The following TRPM4 variants were observed in gnomAD, a reference collection of about 807,000 sequenced individuals.
TRPM4 encodes transient receptor potential cation channel subfamily M member 4.
TRPM4 carries 124 observed loss-of-function variants against 135.6 expected under a neutral mutation model. The observed-to-expected ratio is 0.91, with a 90% CI of 0.79 to 1.06. The LOEUF (loss-of-function observed/expected upper bound fraction) is 1.06, where lower values mean the gene tolerates loss of function less well. TRPM4 is among the 50% of genes least tolerant of loss of function. TRPM4 has a pLI of 0.00. For missense variants in TRPM4, 1,658 were observed against 1,671.4 expected (o/e 0.99, Z 0.14); for synonymous variants, 745 against 705.6 (o/e 1.06, Z -0.88).
chr19:49,211,361 G>C lies in TRPM4; in HGVS notation c.3640+92G>C. 6.3e-7 allele frequency: 1 copy of C among 1,575,514 alleles called. No homozygotes were observed. Among genetic ancestry groups the C allele is most frequent in the Non-Finnish European group, 8.7e-7 (1 of 1,150,742 alleles). Reference sequence around the variant, plus strand: ...CTCGGCACCTTTCCAGTGTCCCTGGGTCACTCTCTTGGTCTCCTTTGAGCC... The same window carrying C: ...CTCGGCACCTTTCCAGTGTCCCTGGCTCACTCTCTTGGTCTCCTTTGAGCC... On this transcript the variant is annotated intron_variant, in intron 24 of 24. Coordinates refer to ENST00000252826, the MANE Select transcript of TRPM4 (RefSeq NM_017636.4). This position sits in a 1 kb window ranked among gnomAD's most constrained non-coding sequence, Gnocchi z 4.8.
At chr19:49,157,963 G>A in intron 1 of TRPM4, 73 bp downstream of exon 1, 1 of 1,485,486 alleles carries the variant, frequency 6.7e-7, no homozygotes, top group East Asian at 2.5e-5. Flanking sequence ...AGAGGAGGGC[G>A]CTGGACACCC....
Position 49,182,635 on chromosome 19 carries a change from G to A in TRPM4, c.1321G>A (p.Val441Met), listed in dbSNP as rs587782982. ...DALLNDRPEFVRLLISHGLSL... is the reference protein window; with the variant it reads ...DALLNDRPEFMRLLISHGLSL... ...CCTGCTGAATGACCGGCCTGAGTTC[G>A]TGCGCTTGCTCATTTCCCACGGCCT... is the stretch of plus-strand genomic sequence containing the variant. The change falls in exon 11 of 25, where the codon GTG (valine) becomes ATG (methionine). Residue 441 changes from valine (V) to methionine (M), a missense_variant. By Grantham distance (21) the Val-to-Met change is conservative. Transcript: ENST00000252826. The A allele has an allele frequency of 4.1e-5, 66 of 1,614,000 alleles. No homozygotes were observed. The highest frequency in any genetic ancestry group is 5.3e-5 in the Non-Finnish European group (62 of 1,180,042).
rs370370315 is a variant in TRPM4, at chr19:49,211,199, C to T, written c.3570C>T (p.Ala1190=). Residue 1190 remains alanine, a synonymous_variant, in exon 24 of 25, where the codon GCC becomes GCT. Transcript: ENST00000252826. The surrounding 1 kb of genome is among the most constrained non-coding windows in gnomAD (Gnocchi z 4.8). ...QQCSRVLGWV[A]EALSRSALLP... ...GTAGCCGCGTCCTGGGGTGGGTGGC[C>T]GAGGCCCTGAGCCGCTCTGCCTTGC... The T allele has an allele frequency of 5.0e-6, 8 of 1,602,160 alleles. No individual in the cohort carries two copies. Among genetic ancestry groups the T allele is most frequent in the Admixed American group, 3.5e-5 (2 of 57,430 alleles).
In TRPM4 at chr19:49,196,472, G is replaced by T; in HGVS notation, c.2243G>T (p.Gly748Val). The T allele has an allele frequency of 6.4e-7, 1 of 1,552,542 alleles. No homozygotes were observed. ...TADPAEKTPL[G>V]VPRQSGRPGC... ...GACCCAGCCGAGAAGACGCCGCTGG[G>T]GGTCCCGCGCCAGTCGGGCCGTCCG... The change falls in exon 17 of 25, where the codon GGG becomes GTG. Residue 748 changes from glycine to valine, a missense_variant. Coordinates refer to ENST00000252826, the MANE Select transcript of TRPM4 (RefSeq NM_017636.4).
At chr19:49,207,737 G>A (rs938851023) in intron 20 of TRPM4, among the ~76,000 whole-genome samples, 2 of 151,520 alleles carry the variant, frequency 1.3e-5, no homozygotes, top group East Asian at 1.9e-4. Context: ...TCAGGAGATC[G>A]AGACCATCCT....
At chr19:49,180,519 C>T (rs530351147) in intron 9 of TRPM4, among the ~76,000 whole-genome samples, 14 of 150,536 alleles carry the variant, frequency 9.3e-5, no homozygotes, top group African/African-American at 2.9e-4. Flanking sequence ...CTGCTTTGAA[C>T]GCCCTTTTCG....
chr19:49,168,919 C>G (rs1299331472), intron 6 of TRPM4, among the ~76,000 whole-genome samples, 183 bp downstream of exon 6: 5 of 151,916 alleles, frequency 3.3e-5, no homozygotes, highest in Admixed American at 6.6e-5. Flanking sequence ...CATCAGTAAT[C>G]CCAACACTTT....
chr19:49,193,508 C>T (rs533373959), intron 16 of TRPM4, among the ~76,000 whole-genome samples: 6 of 152,196 alleles, frequency 3.9e-5, no homozygotes, highest in African/African-American at 7.2e-5. Flanking sequence ...ATGGTAGAGC[C>T]GAGATTTGAT....
At position 49,206,428 on chromosome 19, in the gene TRPM4, T is replaced by C. The variant is rs1228352005; in HGVS notation, c.3132-3781T>C. 2.0e-5 allele frequency among the ~76,000 whole-genome samples: 3 copies of C among 151,956 alleles called. No individual in the cohort carries two copies. The East Asian group carries it at 5.8e-4, about 29-fold the overall frequency. On this transcript the variant is annotated intron_variant, in intron 20 of 24. Transcript: ENST00000252826. ...CAAAAAGGTTGTTGGAATTTTCTTT[T>C]TTTTTCCTTTTTTTTTTTTCTTTTT...
rs1239423077 is a variant in TRPM4 at position 49,202,095 on chromosome 19, C to T, written c.3085C>T (p.Leu1029Phe). Residue 1029 changes from leucine to phenylalanine, a missense_variant, in exon 20 of 25, where the codon CTC becomes TTC. By Grantham distance (22) the Leu-to-Phe change is conservative (BLOSUM62 0). Around this residue, in one of 3 missense-constraint regions of TRPM4, gnomAD observed 1,412 missense variants for 1,408.7 expected, o/e 1.00. Coordinates refer to ENST00000252826, the MANE Select transcript of TRPM4 (RefSeq NM_017636.4). ...LVVLLLVIFL[L>F]VANILLVNLL... ...GGTGCTGCTCCTCGTCATCTTCCTG[C>T]TCGTGGCCAACATCCTGCTGGTCAA... is the stretch of plus-strand genomic sequence containing the variant. 3 of 1,614,110 alleles carry T rather than the reference C, an allele frequency of 1.9e-6. No homozygotes were observed. The highest frequency in any genetic ancestry group is 2.2e-5 in the South Asian group (2 of 91,082).
chr19:49,166,265 TCGGGGCTCCAGAGTGGAGC>T (rs1600401460), intron 3 of TRPM4, 50 bp downstream of exon 3: 1 of 1,535,788 alleles, frequency 6.5e-7, no homozygotes, highest in Non-Finnish European at 8.8e-7. Context: ...GGCTGCATGC[TCGGGGCTCCAGAGTGGAGC>T]CGGGACGCCC....
chr19:49,205,616 A>C (rs1969120424), intron 20 of TRPM4, among the ~76,000 whole-genome samples: 2 of 144,914 alleles, frequency 1.4e-5, no homozygotes, highest in African/African-American at 5.1e-5. Flanking sequence ...GCTCACTGCA[A>C]CCTCCACCTC....
At chr19:49,164,376 T>TG (rs1967092702) in intron 2 of TRPM4, among the ~76,000 whole-genome samples, 1 of 91,190 alleles carries the variant, frequency 1.1e-5, no homozygotes, top group Non-Finnish European at 2.1e-5. Flanking sequence ...TTTTTTTTTT[T>TG]TTTTTTTTTT....
At chr19:49,173,618 G>A (rs1478551343) in intron 9 of TRPM4, among the ~76,000 whole-genome samples, 1 of 152,168 alleles carries the variant, frequency 6.6e-6, no homozygotes. Flanking sequence ...CAAGGCGGGG[G>A]AGCATAATGC....
intron 12 of TRPM4, among the ~76,000 whole-genome samples, chr19:49,187,705 G>A (rs1486135640): frequency 1.3e-5 from 2 of 152,168 alleles, no homozygotes; most frequent in African/African-American, 4.8e-5. Context: ...AGCCGGCTGT[G>A]CGGGAGACCT....
At chr19:49,177,353 G>A (rs1192824785) in intron 9 of TRPM4, among the ~76,000 whole-genome samples, 3 of 49,308 alleles carry the variant, frequency 6.1e-5, no homozygotes, top group Non-Finnish European at 1.3e-4. Context: ...TTTTTTTTTT[G>A]AGACAGTGTC....
At chr19:49,158,474 G>C in intron 2 of TRPM4, 1 of 594,802 alleles carries the variant, frequency 1.7e-6, no homozygotes, top group Non-Finnish European at 3.0e-6. Flanking sequence ...GGTCAGTGTA[G>C]ACGCTCCAGG....
At chr19:49,180,585 C>A (rs546042357) in intron 9 of TRPM4, among the ~76,000 whole-genome samples, 1 of 151,960 alleles carries the variant, frequency 6.6e-6, no homozygotes, top group African/African-American at 2.4e-5. Context: ...TACCTCAACA[C>A]CCATTCTCTG....
intron 9 of TRPM4, among the ~76,000 whole-genome samples, chr19:49,178,411 G>A (rs1029202861): frequency 3.3e-5 from 5 of 152,070 alleles, no homozygotes; most frequent in Admixed American, 6.6e-5. Flanking sequence ...TGGGGGTGCC[G>A]AAGCTTGAGC....
Sources: allele counts gnomAD v4.1 joint callset (sites outside exome capture counted in the v4.1 genomes callset), GRCh38; gene constraint gnomAD v4.1.1; regional missense constraint gnomAD v4.1.1; non-coding constraint Gnocchi (gnomAD v3.1); transcripts MANE v1.5; gene names NCBI Gene and HGNC (gene_info 2026-07-23, HGNC 2026-07-21).